Variants in PSMA2 observed in about 807,000 individuals in gnomAD.
The protein encoded by PSMA2 is proteasome subunit alpha type-2.
In PSMA2, 2 loss-of-function variants were observed where a neutral mutation model predicts 35.9. The observed-to-expected ratio is 0.06, with a 90% CI of 0.02 to 0.18. PSMA2 has a LOEUF of 0.18. Among genes scored for constraint, PSMA2 ranks in the 10% least tolerant of loss-of-function variants. The probability of loss-of-function intolerance (pLI) is 1.00; values close to 1 mark genes in which losing one functional copy is unlikely to be tolerated. For synonymous variants in PSMA2, 97 were observed against 98.2 expected (o/e 0.99, Z 0.07); for missense variants, 126 against 278.8 (o/e 0.45, Z 3.90).
chr7:42,925,221 G>A (rs192854961), intron 3 of PSMA2, among the ~76,000 whole-genome samples: 137 of 152,254 alleles, frequency 9.0e-4, no homozygotes, highest in Non-Finnish European at 1.1e-3. Flanking sequence ...CTCTGCCTGT[G>A]CTTCACGGAG....
Position 42,917,765 on chromosome 7 carries a change from A to G in PSMA2, c.588+13T>C. ...AAATCATTATAAATCCAGTTGTTGA[A>G]TACTGAGCTAACCTTTAGGGTTAAG... On this transcript the variant is annotated intron_variant, in intron 7 of 7. Coordinates refer to ENST00000223321, the MANE Select transcript of PSMA2 (RefSeq NM_002787.5). The G allele has an allele frequency of 6.2e-7, 1 of 1,611,648 alleles. No homozygotes were observed. The highest frequency in any genetic ancestry group is 2.2e-5 in the East Asian group (1 of 44,762).
chr7:42,920,966 G>C (rs1295020627), intron 6 of PSMA2: 1 of 152,168 alleles, frequency 6.6e-6, no homozygotes, highest in East Asian at 1.9e-4. Context: ...CTCATGGAGG[G>C]AGAGAGTAGC....
intron 5 of PSMA2, 43 bp downstream of exon 5, chr7:42,923,282 A>G: frequency 1.4e-6 from 2 of 1,402,222 alleles, no homozygotes; most frequent in South Asian, 1.2e-5. Context: ...ATATTCAAAG[A>G]GCACTTTTAA....
chr7:42,923,544 C>T lies in PSMA2; in HGVS notation c.375-138G>A, dbSNP rs113034699. The T allele has an allele frequency of 8.7e-4, 567 of 652,696 alleles. 4 individuals are homozygous for T. The African/African-American group carries it at 9.5e-3, about 11-fold the overall frequency. The allele number at this position is 652,696 out of a possible 1,614,324, so 40.4% of individuals were successfully genotyped here. A position where few individuals can be genotyped will look rare whatever the true frequency, so the allele number is the denominator to read the frequency against. On this transcript the variant is annotated intron_variant, in intron 4 of 7. Coordinates refer to ENST00000223321, the MANE Select transcript of PSMA2 (RefSeq NM_002787.5). ...TTTAAGTTCCTTAGAAAGTATTTAA[C>T]ACCTTTCTGAATGAATCAATTCAAA...
At chr7:42,928,917 A>G (rs1418705834) in intron 1 of PSMA2, among the ~76,000 whole-genome samples, 1 of 152,040 alleles carries the variant, frequency 6.6e-6, no homozygotes, top group Non-Finnish European at 1.5e-5. Context: ...TTGAATACCT[A>G]TTCACTGATG....
At position 42,917,634 on chromosome 7, in the gene PSMA2, T is replaced by C. The variant is rs1275051251; in HGVS notation, c.645A>G (p.Glu215=). Residue 215 remains glutamate (E), a synonymous_variant, in exon 8 of 8, where the codon GAA becomes GAG. Coordinates refer to ENST00000223321, the MANE Select transcript of PSMA2 (RefSeq NM_002787.5). ...TTGGAGTAAGCCTCCTAAATCCAGC[T>C]TCATTGCAGATTCCAACTTCTATGT... The part of the protein sequence containing the change: ...EDNIEVGICN[E]AGFRRLTPTE... 1 of 1,613,624 alleles carries C rather than the reference T, an allele frequency of 6.2e-7. No homozygotes were observed. The highest frequency in any genetic ancestry group is 8.5e-7 in the Non-Finnish European group (1 of 1,179,958).
At position 42,924,711 on chromosome 7, in the gene PSMA2, C is replaced by T. The variant is rs1786180951; in HGVS notation, c.338G>A (p.Arg113Lys). 6.2e-7 allele frequency: 1 copy of T among 1,613,220 alleles called. No homozygotes were observed. Among genetic ancestry groups the T allele is most frequent in the East Asian group, 2.2e-5 (1 of 44,850 alleles). Residue 113 changes from arginine to lysine, a missense_variant, in exon 4 of 8, where the codon AGA becomes AAA. Arg to Lys is a conservative substitution (Grantham distance 26). Around this residue, in one of 3 missense-constraint regions of PSMA2, gnomAD observed 78 missense variants for 151.1 expected, o/e 0.52. Transcript: ENST00000223321. The part of the protein sequence containing the change: ...EPIPTAQLVQ[R>K]VASVMQEYTQ... ...ATATTCTTGCATCACAGAAGCTACT[C>T]TCTGTACCAGCTGAGCTGTAGGAAT... is the stretch of plus-strand genomic sequence containing the variant.
intron 1 of PSMA2, among the ~76,000 whole-genome samples, chr7:42,928,626 T>C (rs1349200333): frequency 6.6e-6 from 1 of 152,210 alleles, no homozygotes; most frequent in Non-Finnish European, 1.5e-5. Flanking sequence ...TGAAAGTAAT[T>C]TGTCCAAAGT....
chr7:42,924,801 A>T lies in PSMA2; in HGVS notation c.252-4T>A, dbSNP rs573709469. 2.4e-5 allele frequency: 38 copies of T among 1,605,992 alleles called. No individual in the cohort carries two copies. In the East Asian group the frequency reaches 6.0e-4, roughly 26 times the overall value. ...TCGAGCTCTGTGCACAAGCACTCTA[A>T]CAAGGAAAAAATAAGATTTAATTAC... On this transcript the variant is annotated splice_polypyrimidine_tract_variant and splice_region_variant and intron_variant, in intron 3 of 7. Coordinates refer to ENST00000223321, the MANE Select transcript of PSMA2 (RefSeq NM_002787.5).
chr7:42,927,998 GT>G (rs1236672580), intron 1 of PSMA2, among the ~76,000 whole-genome samples: 1 of 152,184 alleles, frequency 6.6e-6, no homozygotes, highest in East Asian at 1.9e-4. Flanking sequence ...CTCTTTGGTT[GT>G]TTTTTGTCTG....
At chr7:42,926,696 G>A in intron 2 of PSMA2, 28 bp from the exon 3 acceptor site, 1 of 1,577,358 alleles carries the variant, frequency 6.3e-7, no homozygotes, top group Non-Finnish European at 8.6e-7. Flanking sequence ...AGACATAAAT[G>A]TTTAATCATT....
intron 1 of PSMA2, among the ~76,000 whole-genome samples, chr7:42,929,452 A>G (rs1374514894): frequency 6.6e-6 from 1 of 152,168 alleles, no homozygotes; most frequent in Non-Finnish European, 1.5e-5. Context: ...TATTACCTGT[A>G]CATACCTATC....
chr7:42,919,488 G>A (rs1562700258), intron 6 of PSMA2: 2 of 522,562 alleles, frequency 3.8e-6, no homozygotes, highest in Non-Finnish European at 3.8e-6. Flanking sequence ...TATTAAAAAG[G>A]CCCTATGGTA....
At chr7:42,918,001 A>C (rs1786060311) in intron 6 of PSMA2, 166 bp from the exon 7 acceptor site, 1 of 506,120 alleles carries the variant, frequency 2.0e-6, no homozygotes. Flanking sequence ...GATTAAAAAA[A>C]CTGACAATAT....
intron 4 of PSMA2, among the ~76,000 whole-genome samples, chr7:42,924,353 CAAAAAAAAAAAAAAAAAA>C (rs58198756): frequency 5.2e-4 from 36 of 69,424 alleles, no homozygotes; most frequent in African/African-American, 2.2e-3. Flanking sequence ...GACTCTGACT[CAAAAAAAAAAAAAAAAAA>C]AAAAAAAAGA....
At chr7:42,923,553 G>A in intron 4 of PSMA2, 147 bp from the exon 5 acceptor site, 1 of 631,920 alleles carries the variant, frequency 1.6e-6, no homozygotes, top group Non-Finnish European at 2.8e-6. Flanking sequence ...ACACCTTTCT[G>A]AATGAATCAA....
Position 42,924,778 on chromosome 7 carries a change from G to T in PSMA2, c.271C>A (p.Arg91=). The change falls in exon 4 of 8, where the codon CGA becomes AGA. Residue 91 remains arginine, a synonymous_variant. Coordinates refer to ENST00000223321, the MANE Select transcript of PSMA2 (RefSeq NM_002787.5). ...AGATAGTATTGTTGAGCTAGTTTTC[G>T]AGCTCTGTGCACAAGCACTCTAACA... ...PDYRVLVHRA[R]KLAQQYYLVY... The T allele has an allele frequency of 1.2e-6, 2 of 1,611,756 alleles. No individual in the cohort carries two copies. Among genetic ancestry groups the T allele is most frequent in the African/African-American group, 2.7e-5 (2 of 74,960 alleles).
chr7:42,917,744 C>T, intron 7 of PSMA2, 34 bp downstream of exon 7: 1 of 1,610,270 alleles, frequency 6.2e-7, no homozygotes, highest in Non-Finnish European at 8.5e-7. Flanking sequence ...ATCATGAAAT[C>T]ATTATAAATC....
chr7:42,931,652 G>A (rs1412459483), intron 1 of PSMA2, among the ~76,000 whole-genome samples: 6 of 152,110 alleles, frequency 3.9e-5, no homozygotes, highest in Non-Finnish European at 8.8e-5. Context: ...GCCAAATGGA[G>A]ACCAAGACTC....
Sources: allele counts gnomAD v4.1 joint callset (sites outside exome capture counted in the v4.1 genomes callset), GRCh38; gene constraint gnomAD v4.1.1; regional missense constraint gnomAD v4.1.1; transcripts MANE v1.5; gene names NCBI Gene and HGNC (gene_info 2026-07-23, HGNC 2026-07-21).